The following ACACB variants were observed in gnomAD, a reference collection of about 807,000 sequenced individuals.
The protein encoded by ACACB is acetyl-CoA carboxylase 2.
In ACACB, 209 loss-of-function variants were observed where a neutral mutation model predicts 278.8. The ratio of observed to expected loss-of-function variants is 0.75; its 90% CI spans 0.67 to 0.84. ACACB has a LOEUF of 0.84. Among genes scored for constraint, ACACB ranks in the 40% least tolerant of loss-of-function variants. ACACB has a pLI of 0.00. For synonymous variants in ACACB, 1,174 were observed against 1,285.6 expected (o/e 0.91, Z 1.86); for missense variants, 2,850 against 3,269.0 (o/e 0.87, Z 3.13).
intron 2 of ACACB, among the ~76,000 whole-genome samples, chr12:109,141,913 CTCCAGGCCCCAG>C (rs2043133360): frequency 6.6e-6 from 1 of 152,146 alleles, no homozygotes; most frequent in Non-Finnish European, 1.5e-5. Flanking sequence ...CCCTTCACCT[CTCCAGGCCCCAG>C]TACCTCTGTA....
chr12:109,199,989 G>A (rs570548686), intron 18 of ACACB, among the ~76,000 whole-genome samples: 23 of 144,134 alleles, frequency 1.6e-4, no homozygotes, highest in African/African-American at 5.5e-4. Context: ...CTGAGATGGC[G>A]CCACTGCACT....
intron 24 of ACACB, among the ~76,000 whole-genome samples, chr12:109,220,542 T>C (rs1320230021): frequency 6.6e-6 from 1 of 152,088 alleles, no homozygotes; most frequent in African/African-American, 2.4e-5. Context: ...GGTGTTGTTG[T>C]TGTTGTTGTT....
At chr12:109,191,511 G>A in intron 13 of ACACB, 102 bp from the exon 14 acceptor site, 1 of 1,466,186 alleles carries the variant, frequency 6.8e-7, no homozygotes, top group East Asian at 2.3e-5. Flanking sequence ...ACCACACCCG[G>A]CCACTCCTGT....
intron 2 of ACACB, among the ~76,000 whole-genome samples, chr12:109,161,751 G>GGT (rs59012391): frequency 2.1e-4 from 31 of 146,450 alleles, no homozygotes; most frequent in Middle Eastern, 3.4e-3. Context: ...GTGTGTGTGT[G>GGT]GTGTGTGTGT....
chr12:109,264,213 C>A lies in ACACB; in HGVS notation c.6788-19C>A. Reference sequence around the variant, plus strand: ...TGACCAGCTTCCATGGCTTGACTGGCCTTTCTGCTCACCTGCAGGGGAACC... The same window carrying A: ...TGACCAGCTTCCATGGCTTGACTGGACTTTCTGCTCACCTGCAGGGGAACC... On this transcript the variant is annotated intron_variant, in intron 49 of 52. Coordinates refer to ENST00000338432, the MANE Select transcript of ACACB (RefSeq NM_001093.4). 6.2e-7 allele frequency: 1 copy of A among 1,612,970 alleles called. No homozygotes were observed.
Position 109,167,000 on chromosome 12 carries a change from A to T in ACACB, c.786+7A>T. On this transcript the variant is annotated splice_region_variant and intron_variant, in intron 3 of 52. Transcript: ENST00000338432. ...GGATCGGGTCATCGAGAAGGTACAG[A>T]TGGGTCTCGGCACTCTGGGTGGGGT... The T allele has an allele frequency of 5.6e-6, 9 of 1,613,758 alleles. No homozygotes were observed. In the South Asian group the frequency reaches 7.7e-5, roughly 14 times the overall value.
In ACACB at chr12:109,206,428, C is replaced by CAAAAAAAAA. The variant is rs35315851; in HGVS notation, c.2914-274_2914-266dup. On this transcript the variant is annotated intron_variant, in intron 19 of 52. Coordinates refer to ENST00000338432, the MANE Select transcript of ACACB (RefSeq NM_001093.4). The stretch of plus-strand genomic sequence containing the variant: ...CAGCCTGGGGACAATGCGAGTGTCT[C>CAAAAAAAAA]AAAAAAAAAAAAAAAACAGATCTCA... Among the ~76,000 whole-genome samples, 14 of 89,760 alleles carry CAAAAAAAAA rather than the reference C, an allele frequency of 1.6e-4. 1 individual carries two copies. The highest frequency in any genetic ancestry group is 6.1e-4 in the African/African-American group (12 of 19,668). The allele number at this position is 89,760 out of a possible 152,430, so 58.9% of individuals were successfully genotyped here. A position where few individuals can be genotyped will look rare whatever the true frequency, so the allele number is the denominator to read the frequency against.
In ACACB at chr12:109,267,243, A is replaced by C. The variant is rs182976075; in HGVS notation, c.*881A>C. ...GTTCCCCAAATGGCGCTAGTGAATC[A>C]CTAGGAGGGTCCCACTGATAGGCCA... On this transcript the variant is annotated 3_prime_UTR_variant, in exon 53 of 53. Transcript: ENST00000338432. The C allele has an allele frequency of 5.1e-4, 77 of 152,286 alleles. No individual in the cohort carries two copies. Among genetic ancestry groups the C allele is most frequent in the African/African-American group, 1.8e-3 (75 of 41,550 alleles). The allele number at this position is 152,286 out of a possible 1,614,324, so 9.4% of individuals were successfully genotyped here.
At position 109,128,566 on chromosome 12, in the gene ACACB, C is replaced by T. The variant is rs962985810; in HGVS notation, c.-9-10831C>T. Among the ~76,000 whole-genome samples, 12 of 151,898 alleles carry T rather than the reference C, an allele frequency of 7.9e-5. No homozygotes were observed. In the South Asian group the frequency reaches 1.2e-3, roughly 16 times the overall value. ...GTTGGCCAGGCTGGTCTCGAACTCC[C>T]GAACTCAAGTGATCTGCCCCCCTCA... On this transcript the variant is annotated intron_variant, in intron 1 of 52. Coordinates refer to ENST00000338432, the MANE Select transcript of ACACB (RefSeq NM_001093.4).
intron 52 of ACACB, 117 bp downstream of exon 52, chr12:109,265,642 G>T: frequency 5.3e-6 from 7 of 1,323,120 alleles, no homozygotes; most frequent in African/African-American, 2.9e-5. Flanking sequence ...GCAGTCTGGG[G>T]TTGTCCCCGC....
intron 16 of ACACB, among the ~76,000 whole-genome samples, chr12:109,194,654 A>G (rs1275378117): frequency 3.0e-5 from 4 of 134,468 alleles, no homozygotes; most frequent in Admixed American, 1.5e-4. Flanking sequence ...GTGTGTTCAC[A>G]TTATCTTCCA....
At chr12:109,239,061 C>T (rs1345263446) in intron 34 of ACACB, among the ~76,000 whole-genome samples, 1 of 151,972 alleles carries the variant, frequency 6.6e-6, no homozygotes, top group South Asian at 2.1e-4. Context: ...GGATTATAGG[C>T]GCCCACCACC....
intron 1 of ACACB, among the ~76,000 whole-genome samples, chr12:109,134,185 G>A (rs1479459429): frequency 1.3e-5 from 2 of 152,066 alleles, no homozygotes; most frequent in African/African-American, 4.8e-5. Context: ...CCACCCAGTC[G>A]GTCAGGGAGA....
In ACACB at chr12:109,226,711, A is replaced by G. The variant is rs1354232633; in HGVS notation, c.3883-660A>G. ...CAAAACTCCATCTCAAAAAAAAAAA[A>G]AAAAAAAAGAAGAATGCAGCCACAC... On this transcript the variant is annotated intron_variant, in intron 27 of 52. Transcript: ENST00000338432. Among the ~76,000 whole-genome samples the G allele has an allele frequency of 2.0e-5, 3 of 151,588 alleles. No homozygotes were observed. In the East Asian group the frequency reaches 5.8e-4, roughly 29 times the overall value.
chr12:109,176,384 A>G (rs1191997778), intron 9 of ACACB, 121 bp downstream of exon 9: 2 of 875,184 alleles, frequency 2.3e-6, no homozygotes, highest in Middle Eastern at 6.9e-4. Context: ...AGCTGGATGT[A>G]TCGTTGTATC....
intron 34 of ACACB, among the ~76,000 whole-genome samples, chr12:109,238,423 TATA>T (rs1320712879): frequency 4.3e-5 from 6 of 138,128 alleles, no homozygotes; most frequent in Non-Finnish European, 9.2e-5. Flanking sequence ...TAATAATATA[TATA>T]ATATATTATA....
At chr12:109,214,581 G>T (rs1321067903) in intron 22 of ACACB, among the ~76,000 whole-genome samples, 1 of 152,200 alleles carries the variant, frequency 6.6e-6, no homozygotes, top group Non-Finnish European at 1.5e-5. Flanking sequence ...TTTCTAGCAA[G>T]TTTTCTGTGC....
chr12:109,252,180 G>A, intron 42 of ACACB, 24 bp downstream of exon 42: 1 of 1,534,352 alleles, frequency 6.5e-7, no homozygotes, highest in Non-Finnish European at 8.9e-7. Context: ...GGCCTGTGCA[G>A]AGTGGATCCT....
intron 1 of ACACB, among the ~76,000 whole-genome samples, chr12:109,133,835 G>GTATATATATA (rs2042891555): frequency 1.8e-5 from 1 of 54,136 alleles, no homozygotes; most frequent in Non-Finnish European, 3.4e-5. Flanking sequence ...CAATGTGTGT[G>GTATATATATA]CATATATATA....
Sources: allele counts gnomAD v4.1 joint callset (sites outside exome capture counted in the v4.1 genomes callset), GRCh38; gene constraint gnomAD v4.1.1; transcripts MANE v1.5; gene names NCBI Gene and HGNC (gene_info 2026-07-23, HGNC 2026-07-21).